Variants in TAS2R1 observed in about 807,000 individuals in gnomAD.
TAS2R1 encodes taste 2 receptor member 1.
For synonymous variants in TAS2R1, 141 were observed against 134.2 expected, an observed-to-expected ratio of 1.05 and a Z score of -0.35; for missense variants, 370 against 353.4, an observed-to-expected ratio of 1.05 and a Z score of -0.38.
the TAS2R1 span, among the ~76,000 whole-genome samples, chr5:9,779,269 A>T: frequency 6.6e-6 from 1 of 152,200 alleles, no homozygotes; most frequent in Non-Finnish European, 1.5e-5. Context: ...ACCGTGAGTA[A>T]AAGCTTCCTG....
the TAS2R1 span, among the ~76,000 whole-genome samples, chr5:9,732,525 C>G: frequency 2.6e-5 from 4 of 152,060 alleles, no homozygotes; most frequent in Non-Finnish European, 5.9e-5. Flanking sequence ...GGAGATCTGT[C>G]CCAGAGGCAT....
Position 9,704,623 on chromosome 5 carries a change from T to C in TAS2R1, c.-242+7549A>G, listed in dbSNP as rs60093256. Among the ~76,000 whole-genome samples the C allele has an allele frequency of 3.5e-3, 538 of 152,182 alleles. 6 individuals are homozygous for C. Among genetic ancestry groups the C allele is most frequent in the African/African-American group, 0.012 (514 of 41,510 alleles). ...AATAATGGACAGATGACATGAAAAA[T>C]TAGTTCACACACAAAAAAGTGGTAG... On this transcript the variant is annotated intron_variant, in intron 1 of 2. Coordinates refer to the TAS2R1 transcript ENST00000506620.
the TAS2R1 span, among the ~76,000 whole-genome samples, chr5:9,789,700 C>A: frequency 6.8e-6 from 1 of 147,398 alleles, no homozygotes; most frequent in South Asian, 2.2e-4. Context: ...ATTTCTCCTG[C>A]CTTCAGCAGC....
At chr5:9,743,961 T>C in the TAS2R1 span, among the ~76,000 whole-genome samples, 6 of 152,348 alleles carry the variant, frequency 3.9e-5, no homozygotes, top group Middle Eastern at 3.4e-3. Context: ...AAGAAAATAT[T>C]TTTAAAATAA....
chr5:9,791,856 T>C, the TAS2R1 span, among the ~76,000 whole-genome samples: 1 of 152,182 alleles, frequency 6.6e-6, no homozygotes, highest in Non-Finnish European at 1.5e-5. Flanking sequence ...CGCATGCAGA[T>C]AGAAGGTCCA....
At chr5:9,729,081 G>A in the TAS2R1 span, among the ~76,000 whole-genome samples, 2 of 152,220 alleles carry the variant, frequency 1.3e-5, no homozygotes, top group East Asian at 1.9e-4. Flanking sequence ...TCTCACCCTC[G>A]CCTTTAATCC....
the TAS2R1 span, among the ~76,000 whole-genome samples, chr5:9,846,847 C>A: frequency 6.6e-6 from 1 of 152,220 alleles, no homozygotes; most frequent in South Asian, 2.1e-4. Flanking sequence ...AACTCACTAA[C>A]CCTTTTTATG....
At chr5:9,726,849 T>G in the TAS2R1 span, among the ~76,000 whole-genome samples, 37 of 152,306 alleles carry the variant, frequency 2.4e-4, no homozygotes, top group African/African-American at 8.4e-4. Flanking sequence ...ACCAAGCCAT[T>G]TTCCTTTTGA....
chr5:9,869,489 C>G, the TAS2R1 span, among the ~76,000 whole-genome samples: 2 of 152,144 alleles, frequency 1.3e-5, no homozygotes, highest in African/African-American at 2.4e-5. Flanking sequence ...TACCTCCCAC[C>G]AGGTCATTCC....
chr5:9,875,351 C>G, the TAS2R1 span, among the ~76,000 whole-genome samples: 5 of 152,222 alleles, frequency 3.3e-5, no homozygotes, highest in Non-Finnish European at 7.3e-5. Flanking sequence ...AGGCTGCCAG[C>G]TGAATTCAGC....
At chr5:9,678,111 A>G (rs1740912787) in intron 1 of TAS2R1, among the ~76,000 whole-genome samples, 2 of 152,200 alleles carry the variant, frequency 1.3e-5, no homozygotes. Context: ...CCATTAAAAA[A>G]ATGGGCAAAG....
the TAS2R1 span, among the ~76,000 whole-genome samples, chr5:9,764,544 A>G: frequency 6.6e-6 from 1 of 152,324 alleles, no homozygotes; most frequent in South Asian, 2.1e-4. Flanking sequence ...TCTAGGAGGA[A>G]TTTCTACCAG....
the TAS2R1 span, among the ~76,000 whole-genome samples, chr5:9,722,089 C>T: frequency 6.6e-6 from 1 of 152,172 alleles, no homozygotes; most frequent in Non-Finnish European, 1.5e-5. Context: ...GAGCAAGCTG[C>T]CATTTTGTAA....
chr5:9,702,962 T>C (rs1386142164), intron 1 of TAS2R1, among the ~76,000 whole-genome samples: 2 of 152,056 alleles, frequency 1.3e-5, no homozygotes, highest in African/African-American at 4.8e-5. Flanking sequence ...AGAGAAAAAG[T>C]ATTAATAGGA....
chr5:9,688,020 A>G (rs116057541), intron 1 of TAS2R1, among the ~76,000 whole-genome samples: 4,313 of 152,330 alleles, frequency 0.028, 74 homozygotes, highest in Middle Eastern at 0.054. Flanking sequence ...CTTACAGAGG[A>G]CCAAGGGGAA....
At chr5:9,632,467 T>C (rs549084880), upstream of TAS2R1, among the ~76,000 whole-genome samples, 19 of 152,294 alleles carry the variant, frequency 1.2e-4, no homozygotes, top group African/African-American at 4.1e-4. Flanking sequence ...TGATGAACTC[T>C]TCCTTTCACA....
the TAS2R1 span, among the ~76,000 whole-genome samples, chr5:9,894,169 G>A: frequency 3.9e-5 from 6 of 152,102 alleles, no homozygotes; most frequent in South Asian, 4.1e-4. Context: ...TTGGGAAGCC[G>A]AGGCGGGTGG....
At chr5:9,705,724 G>A (rs775839558) in intron 1 of TAS2R1, among the ~76,000 whole-genome samples, 4 of 152,158 alleles carry the variant, frequency 2.6e-5, no homozygotes, top group Non-Finnish European at 4.4e-5. Context: ...GCCGGGCATC[G>A]TGGTGCATGT....
In TAS2R1 at chr5:9,629,759, C is replaced by T. The variant is rs749005082; in HGVS notation, c.274G>A (p.Glu92Lys). The change falls in exon 1 of 1, where the codon GAA becomes AAA. Residue 92 changes from glutamate (E) to lysine (K), a missense_variant. Coordinates refer to ENST00000382492, the MANE Select transcript of TAS2R1 (RefSeq NM_019599.3). ...CAILLFINEL[E>K]LWLATWLGVF... The stretch of plus-strand genomic sequence containing the variant: ...CCGAGCCATGTGGCAAGCCAAAGTT[C>T]CAATTCATTTATAAATAAGAGAATT... The T allele has an allele frequency of 1.2e-6, 2 of 1,613,624 alleles. No individual in the cohort carries two copies. The highest frequency in any genetic ancestry group is 4.5e-5 in the East Asian group (2 of 44,838).
Sources: allele counts gnomAD v4.1 joint callset (sites outside exome capture counted in the v4.1 genomes callset), GRCh38; gene constraint gnomAD v4.1.1; transcripts MANE v1.5; gene names NCBI Gene and HGNC (gene_info 2026-07-23, HGNC 2026-07-21).